The following ZNF350 variants were observed in gnomAD, a reference collection of about 807,000 sequenced individuals.
ZNF350 encodes zinc finger protein 350.
ZNF350 carries 5 observed loss-of-function variants against 13.1 expected under a neutral mutation model. The ratio of observed to expected loss-of-function variants is 0.38; its 90% CI spans 0.20 to 0.80. ZNF350 has a LOEUF of 0.80. Among genes scored for constraint, ZNF350 ranks in the 30% least tolerant of loss-of-function variants. The probability of loss-of-function intolerance (pLI) is 0.43; values close to 1 mark genes in which losing one functional copy is unlikely to be tolerated. For missense variants in ZNF350, 534 were observed against 644.2 expected (o/e 0.83, Z 1.85); for synonymous variants, 199 against 224.2 (o/e 0.89, Z 1.00).
At chr19:51,966,648 T>TG (rs1301656481) in intron 4 of ZNF350, among the ~76,000 whole-genome samples, 1 of 145,096 alleles carries the variant, frequency 6.9e-6, no homozygotes, top group African/African-American at 2.6e-5. Context: ...TTTTTTGTTG[T>TG]TTTTTTTTTG....
At position 51,977,699 on chromosome 19, in the gene ZNF350, T is replaced by C. The variant is rs544781183; in HGVS notation, c.-171-3168A>G. On this transcript the variant is annotated intron_variant, in intron 1 of 4. Coordinates refer to ENST00000243644, the MANE Select transcript of ZNF350 (RefSeq NM_021632.4). ...AGGCACTGAAGCGTCAGATTCCTCA[T>C]ACTGTGGCTGCAGAAATGCTAACCT... 2.3e-3 allele frequency among the ~76,000 whole-genome samples: 357 copies of C among 152,352 alleles called. 2 individuals are homozygous for C. The highest frequency in any genetic ancestry group is 3.1e-3 in the Non-Finnish European group (212 of 68,032).
rs774787301 is a variant in ZNF350, at chr19:51,969,021, G to T, written c.126C>A (p.Ser42Arg). Residue 42 changes from serine (S) to arginine (R), a missense_variant, in exon 3 of 5, where the codon AGC (serine) becomes AGA (arginine). Transcript: ENST00000243644. ...LYRDVMLENY[S>R]NLVAVGYQAS... ...TGTCCTCACCCACTGCCACCAGGTTGCTGTAGTTCTCCAACATCACATCCC... is the reference window on the plus strand; with the variant it reads ...TGTCCTCACCCACTGCCACCAGGTTTCTGTAGTTCTCCAACATCACATCCC... 4 of 1,614,096 alleles carry T rather than the reference G, an allele frequency of 2.5e-6. No individual in the cohort carries two copies. The Admixed American group carries it at 6.7e-5, about 27-fold the overall frequency.
At chr19:51,982,604 T>A (rs56675894) in intron 1 of ZNF350, among the ~76,000 whole-genome samples, 1,704 of 152,146 alleles carry the variant, frequency 0.011, 39 homozygotes, top group African/African-American at 0.038. Context: ...AAATGTCAAG[T>A]CTCCCAAATC....
At chr19:51,969,276 T>A (rs535333683) in intron 2 of ZNF350, 145 bp from the exon 3 acceptor site, 1 of 871,850 alleles carries the variant, frequency 1.1e-6, no homozygotes, top group African/African-American at 1.7e-5. Flanking sequence ...AGAAGTAAAG[T>A]CCTAATATAA....
At chr19:51,981,637 G>A (rs1352886356) in intron 1 of ZNF350, among the ~76,000 whole-genome samples, 1 of 152,082 alleles carries the variant, frequency 6.6e-6, no homozygotes, top group African/African-American at 2.4e-5. Context: ...ATATGCCACA[G>A]AGAGAGTAAC....
intron 1 of ZNF350, among the ~76,000 whole-genome samples, chr19:51,980,486 C>A (rs1161598366): frequency 2.0e-5 from 3 of 152,216 alleles, no homozygotes; most frequent in African/African-American, 7.2e-5. Context: ...ACACGCACAG[C>A]TGACCAAGCG....
chr19:51,983,640 G>C (rs1331769655), intron 1 of ZNF350, among the ~76,000 whole-genome samples: 1 of 152,098 alleles, frequency 6.6e-6, no homozygotes, highest in African/African-American at 2.4e-5. Context: ...CAAGGCACAG[G>C]ACCTTTCCTT....
Position 51,964,666 on chromosome 19 carries a change from G to T in ZNF350, c.*188C>A. 1.7e-6 allele frequency: 1 copy of T among 590,202 alleles called. No homozygotes were observed. Among genetic ancestry groups the T allele is most frequent in the Non-Finnish European group, 2.8e-6 (1 of 351,836 alleles). The allele number at this position is 590,202 out of a possible 1,614,324, so 36.6% of individuals were successfully genotyped here. A position where few individuals can be genotyped will look rare whatever the true frequency, so the allele number is the denominator to read the frequency against. On this transcript the variant is annotated 3_prime_UTR_variant, in exon 5 of 5. Transcript: ENST00000243644. ...CTTTACTCATTTAATTGACACAGTCGAGCAATTGCTGTGTATGTGCTTAGG... is the reference window on the plus strand; with the variant it reads ...CTTTACTCATTTAATTGACACAGTCTAGCAATTGCTGTGTATGTGCTTAGG...
rs2085543650 is a variant in ZNF350, at chr19:51,965,578, C to G, written c.875G>C (p.Cys292Ser). ...KTHTGEKPYI[C>S]SECGKGFIQK... ...GATGAAGCCTTTTCCACATTCACTGCATATATAGGGTTTCTCTCCGGTATG... is the reference window on the plus strand; with the variant it reads ...GATGAAGCCTTTTCCACATTCACTGGATATATAGGGTTTCTCTCCGGTATG... Residue 292 changes from cysteine (C) to serine (S), a missense_variant, in exon 5 of 5, where the codon TGC becomes TCC. Transcript: ENST00000243644. 6.2e-7 allele frequency: 1 copy of G among 1,614,094 alleles called. No individual in the cohort carries two copies. Among genetic ancestry groups the G allele is most frequent in the Non-Finnish European group, 8.5e-7 (1 of 1,180,052 alleles).
rs2085830496 is a variant in ZNF350, at chr19:51,974,473, A to G, written c.-113T>C. 1 of 1,298,450 alleles carries G rather than the reference A, an allele frequency of 7.7e-7. No homozygotes were observed. Among genetic ancestry groups the G allele is most frequent in the Non-Finnish European group, 1.1e-6 (1 of 912,394 alleles). The allele number at this position is 1,298,450 out of a possible 1,614,324, so 80.4% of individuals were successfully genotyped here. A position where few individuals can be genotyped will look rare whatever the true frequency, so the allele number is the denominator to read the frequency against. On this transcript the variant is annotated 5_prime_UTR_variant, in exon 2 of 5. Coordinates refer to ENST00000243644, the MANE Select transcript of ZNF350 (RefSeq NM_021632.4). Reference sequence around the variant, plus strand: ...TCAAGTGTGCCCCAAGAAATGGTGAACCCCAAATCCACTTCCTCCCTCTTC... The same window carrying G: ...TCAAGTGTGCCCCAAGAAATGGTGAGCCCCAAATCCACTTCCTCCCTCTTC...
At chr19:51,978,899 CAGA>C (rs1253754547) in intron 1 of ZNF350, among the ~76,000 whole-genome samples, 1 of 152,110 alleles carries the variant, frequency 6.6e-6, no homozygotes, top group Non-Finnish European at 1.5e-5. Context: ...TGGAAATCCC[CAGA>C]AGGACAACAA....
In ZNF350 at chr19:51,969,042, A is replaced by G. The variant is rs4986773; in HGVS notation, c.105T>C (p.Asp35=). The change falls in exon 3 of 5, where the codon GAT becomes GAC. Residue 35 remains aspartate, a synonymous_variant. Coordinates refer to ENST00000243644, the MANE Select transcript of ZNF350 (RefSeq NM_021632.4). ...LGAAQKDLYR[D]VMLENYSNLV... is the part of the protein sequence containing the mutation. ...GGTTGCTGTAGTTCTCCAACATCACATCCCGGTACAGGTCCTTCTGAGCAG... is the reference window on the plus strand; with the variant it reads ...GGTTGCTGTAGTTCTCCAACATCACGTCCCGGTACAGGTCCTTCTGAGCAG... 484,190 of 1,613,682 alleles carry G rather than the reference A, an allele frequency of 0.3. 81,057 individuals are homozygous for G. The highest frequency in any genetic ancestry group is 0.64 in the African/African-American group (47,690 of 74,888).
intron 2 of ZNF350, among the ~76,000 whole-genome samples, chr19:51,972,125 G>A (rs1430626140): frequency 1.3e-5 from 2 of 152,006 alleles, no homozygotes; most frequent in African/African-American, 2.4e-5. Flanking sequence ...ATAAGCAAGT[G>A]GGAATTTATA....
Position 51,965,748 on chromosome 19 carries a change from T to C in ZNF350, c.705A>G (p.Arg235=), listed in dbSNP as rs138482917. The C allele has an allele frequency of 1.4e-5, 23 of 1,613,876 alleles. No homozygotes were observed. The highest frequency in any genetic ancestry group is 1.9e-5 in the Non-Finnish European group (22 of 1,179,848). Residue 235 remains arginine, a synonymous_variant, in exon 5 of 5, where the codon AGA becomes AGG. Coordinates refer to ENST00000243644, the MANE Select transcript of ZNF350 (RefSeq NM_021632.4). ...AGAAGGCTTTCTCACATAGACTACA[T>C]CTGTGGGGTTTCTCTCCTGTATGCA... is the stretch of plus-strand genomic sequence containing the variant. ...QVMHTGEKPH[R]CSLCEKAFSR...
rs749192272 is a variant in ZNF350 at position 51,968,605 on chromosome 19, C to T, written c.211G>A (p.Asp71Asn). 26 of 1,613,984 alleles carry T rather than the reference C, an allele frequency of 1.6e-5. No individual in the cohort carries two copies. The African/African-American group carries it at 3.5e-4, about 22-fold the overall frequency. The change falls in exon 4 of 5, where the codon GAT becomes AAT. Residue 71 changes from aspartate to asparagine, a missense_variant. Physicochemically the swap from Asp to Asn is conservative, Grantham distance 23. Coordinates refer to ENST00000243644, the MANE Select transcript of ZNF350 (RefSeq NM_021632.4). ...EQGEQLWTIEDGIHSGACSDI... is the reference protein window; with the variant it reads ...EQGEQLWTIENGIHSGACSDI... ...GAACAGGCTCCACTGTGGATTCCATCTTCAATTGTCCACAGTTGTTCTCCT... is the reference window on the plus strand; with the variant it reads ...GAACAGGCTCCACTGTGGATTCCATTTTCAATTGTCCACAGTTGTTCTCCT...
chr19:51,975,429 TAA>T (rs202054246), intron 1 of ZNF350, among the ~76,000 whole-genome samples: 19 of 88,948 alleles, frequency 2.1e-4, no homozygotes, highest in African/African-American at 6.4e-4. Flanking sequence ...AACCTCGTCT[TAA>T]AAAAAAAAAA....
intron 4 of ZNF350, 23 bp from the exon 5 acceptor site, chr19:51,966,237 T>G (rs752208762): frequency 6.5e-7 from 1 of 1,531,564 alleles, no homozygotes; most frequent in South Asian, 1.3e-5. Context: ...GAACAAAGAT[T>G]TCTATCATTT....
At chr19:51,982,939 G>A (rs772454566) in intron 1 of ZNF350, among the ~76,000 whole-genome samples, 2 of 152,200 alleles carry the variant, frequency 1.3e-5, no homozygotes, top group African/African-American at 2.4e-5. Flanking sequence ...TGTAATCCTA[G>A]CACTTTGGGA....
intron 1 of ZNF350, among the ~76,000 whole-genome samples, chr19:51,977,071 T>C (rs2085916272): frequency 6.6e-6 from 1 of 152,196 alleles, no homozygotes; most frequent in Non-Finnish European, 1.5e-5. Flanking sequence ...TGCAGAAACA[T>C]CTGTACTGCC....
Sources: allele counts gnomAD v4.1 joint callset (sites outside exome capture counted in the v4.1 genomes callset), GRCh38; gene constraint gnomAD v4.1.1; transcripts MANE v1.5; gene names NCBI Gene and HGNC (gene_info 2026-07-23, HGNC 2026-07-21).